The following CPA3 variants were observed in gnomAD, a reference collection of about 807,000 sequenced individuals.
CPA3 encodes mast cell carboxypeptidase A.
In CPA3, 52 loss-of-function variants were observed where a neutral mutation model predicts 55.8. The observed-to-expected ratio is 0.93, with a 90% CI of 0.75 to 1.17. CPA3 has a LOEUF of 1.17. CPA3 is among the 50% of genes most tolerant of loss of function. The probability of loss-of-function intolerance (pLI) is 0.00; values close to 1 mark genes in which losing one functional copy is unlikely to be tolerated. For missense variants in CPA3, 547 were observed against 509.1 expected (o/e 1.07, Z -0.72); for synonymous variants, 179 against 171.2 (o/e 1.05, Z -0.36).
In CPA3 at chr3:148,883,820, G is replaced by T. The variant is rs79362134; in HGVS notation, c.981+5G>T. ...CCACCTAACCATGAGGACTTGGTAC[G>T]TAGACAAAAGTTTGCACTTCATGCA... On this transcript the variant is annotated splice_donor_5th_base_variant and intron_variant, in intron 9 of 10. Coordinates refer to ENST00000296046, the MANE Select transcript of CPA3 (RefSeq NM_001870.4). The T allele has an allele frequency of 6.2e-7, 1 of 1,609,038 alleles. No homozygotes were observed. Among genetic ancestry groups the T allele is most frequent in the South Asian group, 1.1e-5 (1 of 90,974 alleles).
chr3:148,894,621 T>C (rs1017197508), intron 10 of CPA3, among the ~76,000 whole-genome samples: 1 of 150,860 alleles, frequency 6.6e-6, no homozygotes, highest in African/African-American at 2.4e-5. Context: ...ACAACACAGA[T>C]AAGTTGAAAT....
intron 10 of CPA3, among the ~76,000 whole-genome samples, chr3:148,890,897 A>C (rs752010630): frequency 6.6e-6 from 1 of 152,176 alleles, no homozygotes; most frequent in Non-Finnish European, 1.5e-5. Context: ...ATAAGTAGGA[A>C]ATATTTTCTT....
intron 8 of CPA3, 59 bp from the exon 9 acceptor site, chr3:148,883,554 G>A: frequency 7.4e-7 from 1 of 1,347,458 alleles, no homozygotes; most frequent in Admixed American, 1.7e-5. Context: ...CATTAGAAGA[G>A]GCAGGAGCTA....
At chr3:148,868,003 C>T (rs991541723) in intron 2 of CPA3, among the ~76,000 whole-genome samples, 1 of 152,222 alleles carries the variant, frequency 6.6e-6, no homozygotes, top group South Asian at 2.1e-4. Context: ...TCAAGCAATT[C>T]TCCTGCATCA....
rs758158860 is a variant in CPA3, at chr3:148,883,806, T to C, written c.972T>C (p.His324=). The C allele has an allele frequency of 6.2e-7, 1 of 1,613,430 alleles. No homozygotes were observed. Residue 324 remains histidine, a synonymous_variant, in exon 9 of 11, where the codon CAT becomes CAC. Transcript: ENST00000296046. ...ATACATCAAAACTGCCACCTAACCA[T>C]GAGGACTTGGTACGTAGACAAAAGT... The part of the protein sequence containing the change: ...YGYTSKLPPN[H]EDLAKVAKIG...
At chr3:148,885,220 G>A (rs1342650238) in intron 9 of CPA3, among the ~76,000 whole-genome samples, 1 of 151,872 alleles carries the variant, frequency 6.6e-6, no homozygotes, top group Non-Finnish European at 1.5e-5. Context: ...ACCAAGGAAT[G>A]TAAAACATGG....
At chr3:148,881,732 C>A in intron 7 of CPA3, 100 bp downstream of exon 7, 2 of 524,984 alleles carry the variant, frequency 3.8e-6, no homozygotes, top group South Asian at 5.8e-5. Flanking sequence ...CTAGTTAATT[C>A]TAATTCAGAA....
Position 148,896,646 on chromosome 3 carries a change from G to T in CPA3, c.1193G>T (p.Cys398Phe), listed in dbSNP as rs752500522. Residue 398 changes from cysteine (C) to phenylalanine (F), a missense_variant, in exon 11 of 11, where the codon TGC (cysteine) becomes TTC (phenylalanine). Transcript: ENST00000296046. Reference protein sequence around the residue: ...LLPESRIKPTCRETMLAVKFI... With the variant: ...LLPESRIKPTFRETMLAVKFI... Reference sequence around the variant, plus strand: ...CCAGAATCCCGGATAAAGCCAACGTGCAGAGAGACCATGCTAGCTGTCAAA... The same window carrying T: ...CCAGAATCCCGGATAAAGCCAACGTTCAGAGAGACCATGCTAGCTGTCAAA... 2 of 1,582,192 alleles carry T rather than the reference G, an allele frequency of 1.3e-6. No homozygotes were observed. Among genetic ancestry groups the T allele is most frequent in the South Asian group, 2.3e-5 (2 of 87,854 alleles).
In CPA3 at chr3:148,870,256, AT is replaced by A. The variant is rs1399966360; in HGVS notation, c.269+1229del. On this transcript the variant is annotated intron_variant, in intron 3 of 10. Transcript: ENST00000296046. ...TCAAAACACTGCTAAACACTAGTTCATTTTTTTTTTTTGAACTTGCCATTTT... is the reference window on the plus strand; with the variant it reads ...TCAAAACACTGCTAAACACTAGTTCATTTTTTTTTTTGAACTTGCCATTTT... Among the ~76,000 whole-genome samples the A allele has an allele frequency of 7.8e-3, 1,134 of 144,976 alleles. 15 individuals are homozygous for A. Among genetic ancestry groups the A allele is most frequent in the African/African-American group, 0.023 (913 of 39,924 alleles).
intron 8 of CPA3, among the ~76,000 whole-genome samples, chr3:148,883,321 TATCTGGCTCCAAGTC>T (rs1714424358): frequency 6.6e-6 from 1 of 152,154 alleles, no homozygotes. Context: ...AACTGGAGTG[TATCTGGCTCCAAGTC>T]ATGGCTGCTT....
At position 148,867,033 on chromosome 3, in the gene CPA3, G is replaced by A. The variant is rs144475771; in HGVS notation, c.144+1485G>A. On this transcript the variant is annotated intron_variant, in intron 2 of 10. Coordinates refer to ENST00000296046, the MANE Select transcript of CPA3 (RefSeq NM_001870.4). ...AGCCTCCCAAAATGCTGGGATTACAGGCATGAGCCACCATGCCCAGTCAGA... is the reference window on the plus strand; with the variant it reads ...AGCCTCCCAAAATGCTGGGATTACAAGCATGAGCCACCATGCCCAGTCAGA... 2.9e-3 allele frequency among the ~76,000 whole-genome samples: 442 copies of A among 152,256 alleles called. 5 individuals carry two copies. Among genetic ancestry groups the A allele is most frequent in the East Asian group, 0.024 (125 of 5,174 alleles).
rs767793731 is a variant in CPA3 at position 148,878,486 on chromosome 3, T to A, written c.315T>A (p.Asp105Glu). 2 of 1,613,482 alleles carry A rather than the reference T, an allele frequency of 1.2e-6. No homozygotes were observed. Among genetic ancestry groups the A allele is most frequent in the East Asian group, 2.2e-5 (1 of 44,834 alleles). Residue 105 changes from aspartate (D) to glutamate (E), a missense_variant, in exon 4 of 11, where the codon GAT becomes GAA. Physicochemically the swap from Asp to Glu is conservative, Grantham distance 45. Transcript: ENST00000296046. The stretch of plus-strand genomic sequence containing the variant: ...AAGAAGAGATTGAGAAACAGTTTGA[T>A]GTTAAAGAAGATATCCCAGGCAGGC... ...DLQEEIEKQF[D>E]VKEDIPGRHS... is the part of the protein sequence containing the mutation.
intron 10 of CPA3, among the ~76,000 whole-genome samples, chr3:148,889,528 A>T (rs74727192): frequency 6.6e-6 from 1 of 152,118 alleles, no homozygotes; most frequent in African/African-American, 2.4e-5. Context: ...AGGGAGAAAC[A>T]TAGGCAATGA....
At chr3:148,884,272 TATAA>T (rs1240511249) in intron 9 of CPA3, among the ~76,000 whole-genome samples, 1 of 152,212 alleles carries the variant, frequency 6.6e-6, no homozygotes, top group African/African-American at 2.4e-5. Context: ...CAAAGAAGAT[TATAA>T]ATGTTTGTGA....
At chr3:148,882,329 G>C (rs1714394917) in intron 7 of CPA3, among the ~76,000 whole-genome samples, 176 bp from the exon 8 acceptor site, 1 of 152,066 alleles carries the variant, frequency 6.6e-6, no homozygotes, top group South Asian at 2.1e-4. Context: ...CCATGATTCT[G>C]AAAATACTAC....
At chr3:148,894,411 C>A in intron 10 of CPA3, among the ~76,000 whole-genome samples, 1 of 149,042 alleles carries the variant, frequency 6.7e-6, no homozygotes. Context: ...TGTCATGTAA[C>A]CAAGAGGAAG....
intron 10 of CPA3, 116 bp downstream of exon 10, chr3:148,886,293 T>C: frequency 1.5e-6 from 1 of 678,680 alleles, no homozygotes; most frequent in Non-Finnish European, 2.5e-6. Context: ...TAATTTAAAT[T>C]CTACTTTTTA....
chr3:148,881,454 TA>T, intron 6 of CPA3, 67 bp from the exon 7 acceptor site: 1 of 921,228 alleles, frequency 1.1e-6, no homozygotes, highest in Non-Finnish European at 1.7e-6. Flanking sequence ...ATTACTATTA[TA>T]ACCACAGCTT....
intron 10 of CPA3, among the ~76,000 whole-genome samples, chr3:148,889,255 A>C (rs1354577539): frequency 1.3e-5 from 2 of 152,196 alleles, no homozygotes; most frequent in Non-Finnish European, 2.9e-5. Context: ...AAGAATAAAA[A>C]ATAAAAATGT....
Sources: gnomAD v4.1 joint callset for allele counts (sites outside exome capture counted in the v4.1 genomes callset) on GRCh38, gnomAD v4.1.1 for gene constraint, MANE v1.5 for transcripts, NCBI Gene and HGNC (gene_info 2026-07-23, HGNC 2026-07-21) for gene names.